MED13L: variants seen among roughly 807,000 people sequenced by gnomAD.
The protein encoded by MED13L is mediator of RNA polymerase II transcription subunit 13-like.
MED13L carries 7 observed loss-of-function variants against 220.9 expected under a neutral mutation model. That is an observed-to-expected ratio of 0.03 (90% confidence interval 0.02 to 0.06). The LOEUF (loss-of-function observed/expected upper bound fraction) is 0.06. MED13L is among the 10% of genes least tolerant of loss of function. MED13L has a pLI of 1.00. For missense variants in MED13L, 1,965 were observed against 2,760.5 expected (o/e 0.71, Z 6.46); for synonymous variants, 1,011 against 1,015.2 (o/e 1.00, Z 0.08).
chr12:116,202,285 A>T (rs1882050794), intron 2 of MED13L, among the ~76,000 whole-genome samples: 1 of 152,220 alleles, frequency 6.6e-6, no homozygotes, highest in East Asian at 1.9e-4. Flanking sequence ...TGTGTTCAGA[A>T]AGTTTCATTT....
chr12:116,047,976 T>C (rs1183744526), intron 4 of MED13L, among the ~76,000 whole-genome samples: 3 of 152,090 alleles, frequency 2.0e-5, no homozygotes, highest in Non-Finnish European at 2.9e-5. Flanking sequence ...CTAGTTTTCA[T>C]GTAGTGTTGG....
intron 4 of MED13L, among the ~76,000 whole-genome samples, chr12:116,066,081 T>A (rs1309099233): frequency 6.6e-6 from 1 of 152,176 alleles, no homozygotes; most frequent in Non-Finnish European, 1.5e-5. Context: ...TCGGATTCAG[T>A]CTGTCTTTGA....
At chr12:116,172,233 A>T (rs1414901325) in intron 2 of MED13L, among the ~76,000 whole-genome samples, 2 of 152,192 alleles carry the variant, frequency 1.3e-5, no homozygotes, top group Admixed American at 6.5e-5. Flanking sequence ...TGACTCTAAA[A>T]AAGAACCCAA....
chr12:116,209,586 A>G (rs1045903000), intron 2 of MED13L, among the ~76,000 whole-genome samples: 2 of 152,156 alleles, frequency 1.3e-5, no homozygotes, highest in Non-Finnish European at 2.9e-5. Context: ...CTCAGTTTAC[A>G]TATTCTAACC....
intron 2 of MED13L, among the ~76,000 whole-genome samples, chr12:116,114,109 T>C (rs952396573): frequency 2.0e-5 from 3 of 152,144 alleles, no homozygotes; most frequent in African/African-American, 7.2e-5. Flanking sequence ...CCTTTTCCTT[T>C]TTTTTAAACA....
rs747425300 is a variant in MED13L at position 116,012,791 on chromosome 12, A to G, written c.1280+6T>C. Reference sequence around the variant, plus strand: ...CCATTACTATTTTGCCTTTTTTATTACCTACCTGGAACAAGAACAGCTGAC... The same window carrying G: ...CCATTACTATTTTGCCTTTTTTATTGCCTACCTGGAACAAGAACAGCTGAC... On this transcript the variant is annotated splice_donor_region_variant and intron_variant, in intron 9 of 30. Transcript: ENST00000281928. 11 of 1,603,174 alleles carry G rather than the reference A, an allele frequency of 6.9e-6. No homozygotes were observed. In the South Asian group the frequency reaches 1.2e-4, roughly 18 times the overall value.
chr12:116,025,932 C>G (rs1671596510), intron 4 of MED13L, among the ~76,000 whole-genome samples: 1 of 152,092 alleles, frequency 6.6e-6, no homozygotes, highest in Non-Finnish European at 1.5e-5. Flanking sequence ...TCATTACACG[C>G]TGTATACAGG....
intron 27 of MED13L, among the ~76,000 whole-genome samples, chr12:115,969,352 C>CAGAGTGTAGCAGAGAGG (rs1876414874): frequency 6.6e-6 from 1 of 152,124 alleles, no homozygotes; most frequent in Non-Finnish European, 1.5e-5. Flanking sequence ...AACATAAAAA[C>CAGAGTGTAGCAGAGAGG]CTACACTCTG....
chr12:116,214,334 T>C (rs1882878945), intron 2 of MED13L, among the ~76,000 whole-genome samples: 1 of 152,220 alleles, frequency 6.6e-6, no homozygotes, highest in Non-Finnish European at 1.5e-5. Flanking sequence ...ATCTGACTTA[T>C]CTTGTTATGC....
Position 115,959,923 on chromosome 12 carries a change from G to C in MED13L, c.*1343C>G, listed in dbSNP as rs1875654533. ...TCTCCACAGATGACAAGAGCTCAAA[G>C]GCCTGGTCACAGTGGCTCCCGGGAG... On this transcript the variant is annotated 3_prime_UTR_variant, in exon 31 of 31. Coordinates refer to ENST00000281928, the MANE Select transcript of MED13L (RefSeq NM_015335.5). 1 of 152,548 alleles carries C rather than the reference G, an allele frequency of 6.6e-6. No homozygotes were observed. Among genetic ancestry groups the C allele is most frequent in the South Asian group, 2.1e-4 (1 of 4,830 alleles). The allele number at this position is 152,548 out of a possible 1,614,324, so 9.4% of individuals were successfully genotyped here. A position where few individuals can be genotyped will look rare whatever the true frequency, so the allele number is the denominator to read the frequency against.
At chr12:116,244,469 TAAG>T (rs1870926615) in intron 1 of MED13L, among the ~76,000 whole-genome samples, 3 of 152,198 alleles carry the variant, frequency 2.0e-5, no homozygotes, top group Admixed American at 2.0e-4. Flanking sequence ...TTTTGAAGGC[TAAG>T]AAGCAGATGC....
chr12:115,998,725 C>G (rs1453890413), intron 14 of MED13L, among the ~76,000 whole-genome samples: 3 of 152,192 alleles, frequency 2.0e-5, no homozygotes, highest in Non-Finnish European at 4.4e-5. Flanking sequence ...CATTTAGCCT[C>G]TCTTGGCCTG....
intron 19 of MED13L, among the ~76,000 whole-genome samples, chr12:115,985,016 T>C (rs896958386): frequency 6.6e-6 from 1 of 152,174 alleles, no homozygotes; most frequent in Non-Finnish European, 1.5e-5. Flanking sequence ...TATCCCTTAC[T>C]AGAGTAGATG....
At chr12:116,171,092 T>G (rs1282669921) in intron 2 of MED13L, among the ~76,000 whole-genome samples, 2 of 152,268 alleles carry the variant, frequency 1.3e-5, no homozygotes, top group Non-Finnish European at 2.9e-5. Flanking sequence ...AAATAATGTC[T>G]TCATATTTTA....
At chr12:115,981,593 A>G (rs944310067) in intron 22 of MED13L, among the ~76,000 whole-genome samples, 1 of 152,214 alleles carries the variant, frequency 6.6e-6, no homozygotes. Flanking sequence ...GAATTTGGCA[A>G]TATTTGTCAG....
At chr12:116,026,510 G>A (rs1434211102) in intron 4 of MED13L, among the ~76,000 whole-genome samples, 1 of 152,184 alleles carries the variant, frequency 6.6e-6, no homozygotes, top group Non-Finnish European at 1.5e-5. Context: ...AAAAGCACCT[G>A]TTAGTGCAGA....
intron 29 of MED13L, among the ~76,000 whole-genome samples, chr12:115,965,341 T>C (rs1247678472): frequency 7.2e-5 from 11 of 152,230 alleles, no homozygotes; most frequent in Non-Finnish European, 1.5e-4. Flanking sequence ...CTTGGACATA[T>C]GTCATTTTCT....
intron 4 of MED13L, among the ~76,000 whole-genome samples, chr12:116,026,987 AAAAAAGG>A (rs1426284185): frequency 6.6e-6 from 1 of 152,208 alleles, no homozygotes; most frequent in Non-Finnish European, 1.5e-5. Flanking sequence ...CTATTATGAG[AAAAAAGG>A]AAAAAGGTAC....
chr12:116,219,758 G>T (rs1375816814), intron 2 of MED13L, among the ~76,000 whole-genome samples: 1 of 152,044 alleles, frequency 6.6e-6, no homozygotes. Context: ...TTTTAAAGAA[G>T]TTCTTACCAA....
Sources: gnomAD v4.1 joint callset for allele counts (sites outside exome capture counted in the v4.1 genomes callset) on GRCh38, gnomAD v4.1.1 for gene constraint, MANE v1.5 for transcripts, NCBI Gene and HGNC (gene_info 2026-07-23, HGNC 2026-07-21) for gene names.